The following PPARA variants were observed in gnomAD, a reference collection of about 807,000 sequenced individuals.
The protein encoded by PPARA is peroxisome proliferator activated receptor alpha.
A neutral mutation model predicts 42.2 loss-of-function variants in PPARA; 22 were observed. The observed-to-expected ratio is 0.52, with a 90% CI of 0.37 to 0.74. The LOEUF (loss-of-function observed/expected upper bound fraction) is 0.74, where lower values mean the gene tolerates loss of function less well. Among genes scored for constraint, PPARA ranks in the 30% least tolerant of loss-of-function variants. PPARA has a pLI of 0.00. For synonymous variants in PPARA, 242 were observed against 239.3 expected, an observed-to-expected ratio of 1.01 and a Z score of -0.10; for missense variants, 465 against 608.2, an observed-to-expected ratio of 0.76 and a Z score of 2.48.
At position 46,242,775 on chromosome 22, in the gene PPARA, C is replaced by T. The variant is rs1470192012; in HGVS notation, c.*7395C>T. ...CACACACACACAGCTCTTCATTTCTCCTGAGCCATGCAGAATTTACTTTCA... is the reference window on the plus strand; with the variant it reads ...CACACACACACAGCTCTTCATTTCTTCTGAGCCATGCAGAATTTACTTTCA... On this transcript the variant is annotated 3_prime_UTR_variant, in exon 9 of 9. Transcript: ENST00000407236. The surrounding 1 kb of genome is among the most constrained non-coding windows in gnomAD (Gnocchi z 6.1). The T allele has an allele frequency of 6.6e-6, 1 of 151,680 alleles. No individual in the cohort carries two copies. The highest frequency in any genetic ancestry group is 2.4e-5 in the African/African-American group (1 of 40,824). The allele number at this position is 151,680 out of a possible 1,614,324, so 9.4% of individuals were successfully genotyped here.
At position 46,243,744 on chromosome 22, in the gene PPARA, T is replaced by G. The variant is rs1936439790; in HGVS notation, c.*8364T>G. 1.3e-5 allele frequency: 2 copies of G among 152,138 alleles called. No homozygotes were observed. Among genetic ancestry groups the G allele is most frequent in the African/African-American group, 4.8e-5 (2 of 41,378 alleles). The allele number at this position is 152,138 out of a possible 1,614,324, so 9.4% of individuals were successfully genotyped here. On this transcript the variant is annotated 3_prime_UTR_variant, in exon 9 of 9. Transcript: ENST00000407236. The surrounding 1 kb of genome is among the most constrained non-coding windows in gnomAD (Gnocchi z 5.0). ...TTAATGGTTTTAAAAAATAAACTAT[T>G]TTTTAAAATTTTTTGGTGAGTTTTG...
chr22:46,205,567 T>TAAAC (rs1933222492), intron 4 of PPARA, among the ~76,000 whole-genome samples: 1 of 79,688 alleles, frequency 1.3e-5, no homozygotes, highest in Admixed American at 1.3e-4. Context: ...TTTTTTTTTT[T>TAAAC]TTTTTTTTTT....
rs939806154 is a variant in PPARA at position 46,222,789 on chromosome 22, C to T, written c.711+2775C>T. Among the ~76,000 whole-genome samples, 18 of 152,086 alleles carry T rather than the reference C, an allele frequency of 1.2e-4. No homozygotes were observed. Among genetic ancestry groups the T allele is most frequent in the Admixed American group, 8.5e-4 (13 of 15,266 alleles). On this transcript the variant is annotated intron_variant, in intron 7 of 8. Coordinates refer to ENST00000407236, the MANE Select transcript of PPARA (RefSeq NM_005036.6). The surrounding 1 kb of genome is among the most constrained non-coding windows in gnomAD (Gnocchi z 5.9). ...ATCCCAGCACTTTGGGAGGCTGAGG[C>T]GGGAGGATCACTTGAGGCAATCCAA...
Position 46,188,174 on chromosome 22 carries a change from T to C in PPARA, c.-42-10168T>C, listed in dbSNP as rs190231870. Among the ~76,000 whole-genome samples, 1 of 152,224 alleles carries C rather than the reference T, an allele frequency of 6.6e-6. No individual in the cohort carries two copies. The highest frequency in any genetic ancestry group is 6.5e-5 in the Admixed American group (1 of 15,284). On this transcript the variant is annotated intron_variant, in intron 3 of 8. Coordinates refer to ENST00000407236, the MANE Select transcript of PPARA (RefSeq NM_005036.6). The surrounding 1 kb of genome is among the most constrained non-coding windows in gnomAD (Gnocchi z 5.0). Reference sequence around the variant, plus strand: ...CCACCTGGCTGAGCTCAGCCCAATTTGCTGACCCATAGAATTGTGAACAAA... The same window carrying C: ...CCACCTGGCTGAGCTCAGCCCAATTCGCTGACCCATAGAATTGTGAACAAA...
chr22:46,151,315 G>A (rs1924387825), intron 1 of PPARA: 1 of 152,244 alleles, frequency 6.6e-6, no homozygotes, highest in African/African-American at 2.4e-5. Flanking sequence ...TGGGCCGGGT[G>A]GCTTCTCTGC....
intron 4 of PPARA, among the ~76,000 whole-genome samples, chr22:46,209,329 G>C (rs984137188): frequency 6.6e-6 from 1 of 152,044 alleles, no homozygotes; most frequent in African/African-American, 2.4e-5. Flanking sequence ...TGTGCTTGAG[G>C]TTCATTGAGC....
At chr22:46,213,923 T>A (rs1053557384) in intron 4 of PPARA, among the ~76,000 whole-genome samples, 13 of 152,220 alleles carry the variant, frequency 8.5e-5, no homozygotes, top group Non-Finnish European at 1.6e-4. Flanking sequence ...TTTTAAGACC[T>A]CTTTGTATAT....
At position 46,188,661 on chromosome 22, in the gene PPARA, G is replaced by A. The variant is rs572416414; in HGVS notation, c.-42-9681G>A. 87 of 152,284 alleles carry A rather than the reference G, an allele frequency of 5.7e-4. No individual in the cohort carries two copies. Among genetic ancestry groups the A allele is most frequent in the African/African-American group, 2.1e-3 (86 of 41,546 alleles). 9.4% of individuals were successfully genotyped at this position (152,284 alleles called of 1,614,324 possible). A position where few individuals can be genotyped will look rare whatever the true frequency, so the allele number is the denominator to read the frequency against. ...AAAAAATACATGCAGCTGCCATTGAGGGCCTGGCCCACGTGTGATGTTCAA... is the reference window on the plus strand; with the variant it reads ...AAAAAATACATGCAGCTGCCATTGAAGGCCTGGCCCACGTGTGATGTTCAA... On this transcript the variant is annotated intron_variant, in intron 3 of 8. Transcript: ENST00000407236. The surrounding 1 kb of genome is among the most constrained non-coding windows in gnomAD (Gnocchi z 5.0).
rs1926380812 is a variant in PPARA at position 46,162,676 on chromosome 22, G to T, written c.-127+10706G>T. On this transcript the variant is annotated intron_variant, in intron 2 of 8. Transcript: ENST00000407236. The surrounding 1 kb of genome is among the most constrained non-coding windows in gnomAD (Gnocchi z 6.0). ...ATGGTTGAACCCGGAGCCTCTTGCT[G>T]GTAGGTGCTTCAGGACTGGCTCTGG... 6.6e-6 allele frequency among the ~76,000 whole-genome samples: 1 copy of T among 152,196 alleles called. No homozygotes were observed.
intron 2 of PPARA, among the ~76,000 whole-genome samples, chr22:46,169,088 C>G (rs566699122): frequency 2.0e-5 from 3 of 151,968 alleles, no homozygotes; most frequent in African/African-American, 7.2e-5. Flanking sequence ...TGAAACTATT[C>G]TGTATGGTAC....
Position 46,198,344 on chromosome 22 carries a change from G to A in PPARA, c.-40G>A. On this transcript the variant is annotated splice_region_variant and 5_prime_UTR_variant, in exon 4 of 9. Coordinates refer to ENST00000407236, the MANE Select transcript of PPARA (RefSeq NM_005036.6). ...CAATTGTTCCTCTTTCCTCCCAGTA[G>A]CTTGGAGCTCGGCGGCACAACCAGC... is the stretch of plus-strand genomic sequence containing the variant. 1 of 1,579,204 alleles carries A rather than the reference G, an allele frequency of 6.3e-7. No homozygotes were observed. Among genetic ancestry groups the A allele is most frequent in the Non-Finnish European group, 8.7e-7 (1 of 1,149,248 alleles).
chr22:46,225,975 ACAGT>A lies in PPARA; in HGVS notation c.712-5814_712-5811del, dbSNP rs1405039204. Among the ~76,000 whole-genome samples, 8 of 142,350 alleles carry A rather than the reference ACAGT, an allele frequency of 5.6e-5. No individual in the cohort carries two copies. The highest frequency in any genetic ancestry group is 2.4e-4 in the African/African-American group (8 of 33,256). The allele number at this position is 142,350 out of a possible 152,430, so 93.4% of individuals were successfully genotyped here. A position where few individuals can be genotyped will look rare whatever the true frequency, so the allele number is the denominator to read the frequency against. Reference sequence around the variant, plus strand: ...CACACACAAATCCACATTCACCCATACAGTCACACACATGCATACACACACATAC... The same window carrying A: ...CACACACAAATCCACATTCACCCATACACACACATGCATACACACACATAC... On this transcript the variant is annotated intron_variant, in intron 7 of 8. Transcript: ENST00000407236. This position sits in a 1 kb window ranked among gnomAD's most constrained non-coding sequence, Gnocchi z 4.1.
intron 2 of PPARA, among the ~76,000 whole-genome samples, chr22:46,175,018 T>C (rs909832206): frequency 1.3e-5 from 2 of 151,946 alleles, no homozygotes; most frequent in Non-Finnish European, 2.9e-5. Context: ...TTCAAGTGAT[T>C]CTCCTGCCTC....
In PPARA at chr22:46,233,827, CTTT is replaced by C. The variant is rs568892799; in HGVS notation, c.1160-1294_1160-1292del. Reference sequence around the variant, plus strand: ...ATTTCTATTTTTCAAAAGATTCCTCCTTTTTTTTTTTTTTGAGACAGAGTCTCC... The same window carrying C: ...ATTTCTATTTTTCAAAAGATTCCTCCTTTTTTTTTTTGAGACAGAGTCTCC... On this transcript the variant is annotated intron_variant, in intron 8 of 8. Transcript: ENST00000407236. The surrounding 1 kb of genome is among the most constrained non-coding windows in gnomAD (Gnocchi z 7.3). Among the ~76,000 whole-genome samples the C allele has an allele frequency of 7.0e-6, 1 of 142,880 alleles. No homozygotes were observed. The highest frequency in any genetic ancestry group is 1.5e-5 in the Non-Finnish European group (1 of 65,018). The allele number at this position is 142,880 out of a possible 152,430, so 93.7% of individuals were successfully genotyped here.
At chr22:46,177,024 C>A (rs1929199080) in intron 3 of PPARA, among the ~76,000 whole-genome samples, 188 bp downstream of exon 3, 1 of 152,284 alleles carries the variant, frequency 6.6e-6, no homozygotes, top group Admixed American at 6.5e-5. Flanking sequence ...TCCTGGCTAA[C>A]ACAGTGAAAC....
Position 46,156,422 on chromosome 22 carries a change from C to T in PPARA, c.-127+4452C>T, listed in dbSNP as rs1925303782. The T allele has an allele frequency of 6.6e-6, 1 of 152,212 alleles. No homozygotes were observed. Among genetic ancestry groups the T allele is most frequent in the Non-Finnish European group, 1.5e-5 (1 of 68,040 alleles). 9.4% of individuals were successfully genotyped at this position (152,212 alleles called of 1,614,324 possible). A position where few individuals can be genotyped will look rare whatever the true frequency, so the allele number is the denominator to read the frequency against. On this transcript the variant is annotated intron_variant, in intron 2 of 8. Coordinates refer to ENST00000407236, the MANE Select transcript of PPARA (RefSeq NM_005036.6). This position sits in a 1 kb window ranked among gnomAD's most constrained non-coding sequence, Gnocchi z 5.2. ...GGACATACCGCTGGCTCCTGCCTTT[C>T]TCACTTAGCCAGGTCTGATACCTGT...
rs1453062409 is a variant in PPARA, at chr22:46,232,200, G to C, written c.1120G>C (p.Asp374His). ...KFNALELDDS[D>H]ISLFVAAIIC... is the part of the protein sequence containing the mutation. Reference sequence around the variant, plus strand: ...CAATGCACTGGAACTGGATGACAGTGATATCTCCCTTTTTGTGGCTGCTAT... The same window carrying C: ...CAATGCACTGGAACTGGATGACAGTCATATCTCCCTTTTTGTGGCTGCTAT... The change falls in exon 8 of 9, where the codon GAT becomes CAT. Residue 374 changes from aspartate to histidine, a missense_variant. Around this residue, in one of 2 missense-constraint regions of PPARA, gnomAD observed 313 missense variants for 469.1 expected, o/e 0.67. Transcript: ENST00000407236. This position sits in a 1 kb window ranked among gnomAD's most constrained non-coding sequence, Gnocchi z 5.3. 6.2e-7 allele frequency: 1 copy of C among 1,614,188 alleles called. No individual in the cohort carries two copies. The highest frequency in any genetic ancestry group is 1.7e-5 in the Admixed American group (1 of 60,008).
rs964077198 is a variant in PPARA, at chr22:46,209,724, A to G, written c.209-5449A>G. Among the ~76,000 whole-genome samples, 3 of 152,138 alleles carry G rather than the reference A, an allele frequency of 2.0e-5. No homozygotes were observed. In the South Asian group the frequency reaches 6.2e-4, roughly 32 times the overall value. ...CTTTCACTCAGCTTCTTAAACATTT[A>G]GAATATGGTCAGAATAACTTTTTTT... On this transcript the variant is annotated intron_variant, in intron 4 of 8. Coordinates refer to ENST00000407236, the MANE Select transcript of PPARA (RefSeq NM_005036.6).
In PPARA at chr22:46,162,511, G is replaced by C. The variant is rs569082471; in HGVS notation, c.-127+10541G>C. Among the ~76,000 whole-genome samples the C allele has an allele frequency of 6.6e-6, 1 of 152,304 alleles. No individual in the cohort carries two copies. The highest frequency in any genetic ancestry group is 2.1e-4 in the South Asian group (1 of 4,832). On this transcript the variant is annotated intron_variant, in intron 2 of 8. Coordinates refer to ENST00000407236, the MANE Select transcript of PPARA (RefSeq NM_005036.6). This position sits in a 1 kb window ranked among gnomAD's most constrained non-coding sequence, Gnocchi z 6.0. ...GGAAGGCTCCCTGAACCACCTGCTG[G>C]GGTTGTATGCTGATGCAGGTACTTG...
Sources: gnomAD v4.1 joint callset for allele counts (sites outside exome capture counted in the v4.1 genomes callset) on GRCh38, gnomAD v4.1.1 for gene constraint, gnomAD v4.1.1 regional missense constraint, Gnocchi (gnomAD v3.1) non-coding constraint, MANE v1.5 for transcripts, NCBI Gene and HGNC (gene_info 2026-07-23, HGNC 2026-07-21) for gene names.